Variants in KSR1 observed in about 807,000 individuals in gnomAD.
KSR1 encodes kinase suppressor of ras 1, also known as kinase suppressor of ras.
A neutral mutation model predicts 92.9 loss-of-function variants in KSR1; 35 were observed. The observed-to-expected ratio is 0.38, with a 90% CI of 0.29 to 0.50. The LOEUF (loss-of-function observed/expected upper bound fraction) is 0.50. Among genes scored for constraint, KSR1 ranks in the 20% least tolerant of loss-of-function variants. The pLI, the probability that KSR1 is intolerant of heterozygous loss-of-function variation, is 0.94. For synonymous variants in KSR1, 467 were observed against 472.6 expected (o/e 0.99, Z 0.15); for missense variants, 972 against 1,158.5 (o/e 0.84, Z 2.34).
intron 2 of KSR1, among the ~76,000 whole-genome samples, chr17:27,570,554 C>T (rs1349405271): frequency 6.6e-6 from 1 of 152,246 alleles, no homozygotes; most frequent in Non-Finnish European, 1.5e-5. Context: ...CTTACCAATG[C>T]ATACGTGAGA....
At chr17:27,605,949 T>A in intron 14 of KSR1, 136 bp downstream of exon 14, 1 of 1,040,662 alleles carries the variant, frequency 9.6e-7, no homozygotes, top group Non-Finnish European at 1.4e-6. Context: ...AAATGGGGTA[T>A]AACTTCCTAA....
At chr17:27,518,145 C>T (rs2069874833) in intron 1 of KSR1, among the ~76,000 whole-genome samples, 1 of 152,036 alleles carries the variant, frequency 6.6e-6, no homozygotes, top group South Asian at 2.1e-4. Context: ...CTATCCTGTC[C>T]CCAAAAGGAG....
chr17:27,602,850 C>T (rs2073616400), intron 11 of KSR1, among the ~76,000 whole-genome samples: 1 of 152,258 alleles, frequency 6.6e-6, no homozygotes, highest in Non-Finnish European at 1.5e-5. Flanking sequence ...CCCACGGCCT[C>T]TATCAGATTC....
intron 1 of KSR1, among the ~76,000 whole-genome samples, chr17:27,549,530 G>A (rs1326777414): frequency 1.3e-5 from 2 of 152,376 alleles, no homozygotes; most frequent in Non-Finnish European, 2.9e-5. Flanking sequence ...GTTTACCCAA[G>A]TCAGGCTGTC....
At chr17:27,514,035 A>G (rs1374851772) in intron 1 of KSR1, among the ~76,000 whole-genome samples, 2 of 152,370 alleles carry the variant, frequency 1.3e-5, no homozygotes, top group Non-Finnish European at 1.5e-5. Flanking sequence ...GTGTTTTCAT[A>G]ATCAAAGCAG....
chr17:27,566,926 A>G (rs1190813808), intron 2 of KSR1, among the ~76,000 whole-genome samples: 3 of 152,110 alleles, frequency 2.0e-5, no homozygotes, highest in Admixed American at 6.5e-5. Context: ...CTACCTCTCC[A>G]TGCTTCTGGT....
At chr17:27,550,762 A>G in intron 2 of KSR1, 54 bp downstream of exon 2, 1 of 737,150 alleles carries the variant, frequency 1.4e-6, no homozygotes, top group Non-Finnish European at 2.5e-6. Context: ...AAGCAGAGGG[A>G]ACACACACAA....
intron 1 of KSR1, among the ~76,000 whole-genome samples, chr17:27,535,219 G>T (rs768313429): frequency 1.3e-5 from 2 of 152,200 alleles, no homozygotes; most frequent in South Asian, 2.1e-4. Context: ...TTGGCCATGT[G>T]CCTTTACCCC....
At chr17:27,616,381 A>T (rs2074055325) in intron 18 of KSR1, among the ~76,000 whole-genome samples, 1 of 152,164 alleles carries the variant, frequency 6.6e-6, no homozygotes, top group Admixed American at 6.5e-5. Context: ...CAGCACTTTT[A>T]ATGTTTCAGT....
intron 14 of KSR1, among the ~76,000 whole-genome samples, chr17:27,606,873 C>T (rs1020472000): frequency 6.6e-6 from 1 of 152,176 alleles, no homozygotes; most frequent in African/African-American, 2.4e-5. Flanking sequence ...GCTCTGTCAC[C>T]CAGGCTGGAG....
chr17:27,592,746 G>A, intron 9 of KSR1, 120 bp downstream of exon 9: 1 of 781,794 alleles, frequency 1.3e-6, no homozygotes. Context: ...TCAGATTTGT[G>A]GCCAGAGGGT....
intron 1 of KSR1, among the ~76,000 whole-genome samples, chr17:27,537,488 T>C (rs2948536): frequency 0.63 from 95,445 of 151,986 alleles, 30,422 homozygotes; most frequent in African/African-American, 0.72. Flanking sequence ...GTCAGGAGTT[T>C]GAGACCAGCC....
intron 1 of KSR1, among the ~76,000 whole-genome samples, chr17:27,505,734 CAT>C (rs1222403916): frequency 2.6e-5 from 4 of 152,256 alleles, no homozygotes; most frequent in African/African-American, 7.2e-5. Context: ...ATATCATACA[CAT>C]GTTTGCTGTT....
chr17:27,620,051 A>G (rs1387776245), intron 19 of KSR1, among the ~76,000 whole-genome samples: 5 of 152,240 alleles, frequency 3.3e-5, no homozygotes, highest in Admixed American at 3.3e-4. Flanking sequence ...GCAGTTGAGG[A>G]GAAACTCAGC....
intron 20 of KSR1, chr17:27,621,918 T>G (rs1331971918): frequency 6.2e-7 from 1 of 1,613,604 alleles, no homozygotes; most frequent in Non-Finnish European, 8.5e-7. Context: ...TTCTTCTCTT[T>G]CCCTCTGTAG....
rs1490413580 is a variant in KSR1, at chr17:27,460,454, T to C, written c.231+3580T>C. ...AAAATCCCTCCTAAGCAAGCTGGCG[T>C]GGAGAAAGGGGCTGAAGGACTTTGA... On this transcript the variant is annotated intron_variant, in intron 1 of 20. Transcript: ENST00000644974. Among the ~76,000 whole-genome samples the C allele has an allele frequency of 2.0e-5, 3 of 152,024 alleles. No homozygotes were observed. The East Asian group carries it at 5.8e-4, about 29-fold the overall frequency.
rs558565398 is a variant in KSR1, at chr17:27,539,259, G to T, written c.232-11309G>T. Among the ~76,000 whole-genome samples the T allele has an allele frequency of 2.1e-3, 315 of 152,284 alleles. 1 individual carries two copies. Among genetic ancestry groups the T allele is most frequent in the Non-Finnish European group, 3.8e-3 (258 of 68,018 alleles). ...TTCGTGGCTGTGCCCTGTGGGCCTG[G>T]TGACCTTCAGACAAACACATGGAGT... On this transcript the variant is annotated intron_variant, in intron 1 of 20. Transcript: ENST00000644974.
intron 1 of KSR1, among the ~76,000 whole-genome samples, chr17:27,545,525 T>C (rs2071138302): frequency 6.6e-6 from 1 of 152,058 alleles, no homozygotes; most frequent in South Asian, 2.1e-4. Flanking sequence ...ATCTCTATTA[T>C]GAAAAAAGAG....
chr17:27,548,917 T>C (rs2071288805), intron 1 of KSR1, among the ~76,000 whole-genome samples: 1 of 152,192 alleles, frequency 6.6e-6, no homozygotes, highest in South Asian at 2.1e-4. Context: ...TTTTGGATTT[T>C]TTAGAATTCT....
Sources: gnomAD v4.1 joint callset for allele counts (sites outside exome capture counted in the v4.1 genomes callset) on GRCh38, gnomAD v4.1.1 for gene constraint, MANE v1.5 for transcripts, NCBI Gene and HGNC (gene_info 2026-07-23, HGNC 2026-07-21) for gene names.